The following MED27 variants were observed in gnomAD, a reference collection of about 807,000 sequenced individuals.
MED27 encodes the protein mediator complex subunit 27, also known as mediator of RNA polymerase II transcription subunit 27.
A neutral mutation model predicts 38.2 loss-of-function variants in MED27; 30 were observed. The observed-to-expected ratio is 0.79, with a 90% CI of 0.59 to 1.07. The LOEUF (loss-of-function observed/expected upper bound fraction) is 1.07, where lower values mean the gene tolerates loss of function less well. MED27 is among the 50% of genes least tolerant of loss of function. MED27 has a pLI of 0.00. For missense variants in MED27, 289 were observed against 397.5 expected (o/e 0.73, Z 2.32); for synonymous variants, 122 against 153.5 (o/e 0.79, Z 1.52).
intron 3 of MED27, among the ~76,000 whole-genome samples, chr9:131,970,220 A>G (rs1414291795): frequency 6.6e-6 from 1 of 152,232 alleles, no homozygotes; most frequent in Non-Finnish European, 1.5e-5. Flanking sequence ...CACTCAGAAA[A>G]GCAGCTCCTC....
chr9:131,902,000 C>T (rs927945111), intron 4 of MED27, among the ~76,000 whole-genome samples: 2 of 152,118 alleles, frequency 1.3e-5, no homozygotes, highest in Admixed American at 6.5e-5. Context: ...TGGCCCATGA[C>T]CCCACATCCA....
intron 4 of MED27, among the ~76,000 whole-genome samples, chr9:131,907,718 A>C (rs1192857293): frequency 1.5e-5 from 2 of 130,860 alleles, no homozygotes; most frequent in African/African-American, 5.9e-5. Context: ...CTGGCTGCCC[A>C]GTCTGGAAAG....
chr9:132,068,470 TAGACTAC>T (rs1833859768), intron 2 of MED27, among the ~76,000 whole-genome samples: 7 of 151,946 alleles, frequency 4.6e-5, no homozygotes, highest in African/African-American at 1.7e-4. Flanking sequence ...TTAGAAAGGG[TAGACTAC>T]AGGCCAGAAA....
At chr9:131,866,124 C>T (rs1053917690) in intron 6 of MED27, among the ~76,000 whole-genome samples, 33 of 152,230 alleles carry the variant, frequency 2.2e-4, no homozygotes, top group Non-Finnish European at 4.1e-4. Flanking sequence ...TCCCCAAACC[C>T]TCCCCAGCCT....
At chr9:131,977,315 T>C (rs1441468066) in intron 3 of MED27, among the ~76,000 whole-genome samples, 1 of 152,142 alleles carries the variant, frequency 6.6e-6, no homozygotes, top group Non-Finnish European at 1.5e-5. Context: ...TGGGAAGTAG[T>C]ACTGAACTGA....
At chr9:131,905,071 G>A (rs924658811) in intron 4 of MED27, among the ~76,000 whole-genome samples, 19 of 152,150 alleles carry the variant, frequency 1.2e-4, no homozygotes, top group African/African-American at 4.6e-4. Context: ...TGCAGTCTTG[G>A]GAAAAATCCC....
chr9:131,907,352 C>T (rs563372984), intron 4 of MED27, among the ~76,000 whole-genome samples: 8 of 152,240 alleles, frequency 5.3e-5, no homozygotes, highest in South Asian at 2.1e-4. Context: ...CGAGTGCCTG[C>T]GACTGCAGGC....
At chr9:132,005,511 G>A (rs771319909) in intron 3 of MED27, among the ~76,000 whole-genome samples, 1 of 152,112 alleles carries the variant, frequency 6.6e-6, no homozygotes, top group African/African-American at 2.4e-5. Context: ...GCTCCTGACC[G>A]TTCATGAGCC....
chr9:132,001,380 G>A lies in MED27; in HGVS notation c.479+12957C>T, dbSNP rs112077446. Among the ~76,000 whole-genome samples the A allele has an allele frequency of 3.8e-3, 580 of 152,020 alleles. 2 individuals carry two copies. The highest frequency in any genetic ancestry group is 0.024 in the Middle Eastern group (7 of 292). ...TATTTTTGTAGCCTCAAATAAACCT[G>A]AAAAAATACAGCTATAAAGGAAAAA... On this transcript the variant is annotated intron_variant, in intron 3 of 7. Transcript: ENST00000292035.
At chr9:131,948,562 G>A (rs942902631) in intron 3 of MED27, among the ~76,000 whole-genome samples, 9 of 150,600 alleles carry the variant, frequency 6.0e-5, no homozygotes, top group African/African-American at 2.2e-4. Flanking sequence ...AAACAAAACC[G>A]TACAACTAAA....
intron 4 of MED27, among the ~76,000 whole-genome samples, chr9:131,920,795 G>A (rs1238926327): frequency 6.6e-6 from 1 of 152,030 alleles, no homozygotes; most frequent in Non-Finnish European, 1.5e-5. Context: ...GGGAGAGGGG[G>A]TGGAGTCAGG....
chr9:131,894,453 C>T (rs528512350), intron 4 of MED27, among the ~76,000 whole-genome samples: 1 of 152,208 alleles, frequency 6.6e-6, no homozygotes, highest in African/African-American at 2.4e-5. Flanking sequence ...CCAAATGCCT[C>T]TTGGTTGAAC....
At chr9:132,034,178 A>G (rs1255800584) in intron 2 of MED27, among the ~76,000 whole-genome samples, 1 of 152,224 alleles carries the variant, frequency 6.6e-6, no homozygotes, top group African/African-American at 2.4e-5. Flanking sequence ...AATCAAGAGG[A>G]ATTTTTCCTC....
intron 2 of MED27, among the ~76,000 whole-genome samples, chr9:132,042,051 T>C (rs1259126232): frequency 1.3e-5 from 2 of 152,158 alleles, no homozygotes; most frequent in African/African-American, 4.8e-5. Context: ...GTACGTGATC[T>C]AGAGATATGT....
intron 2 of MED27, among the ~76,000 whole-genome samples, chr9:132,039,610 G>A (rs2131117275): frequency 6.6e-6 from 1 of 152,278 alleles, no homozygotes; most frequent in South Asian, 2.1e-4. Context: ...GCCATCAAAG[G>A]CCACACTGGA....
chr9:132,040,606 C>T (rs374574701), intron 2 of MED27, among the ~76,000 whole-genome samples: 18 of 152,208 alleles, frequency 1.2e-4, no homozygotes, highest in African/African-American at 4.1e-4. Flanking sequence ...GAGCAGACGG[C>T]AGAGCTTAAC....
chr9:131,917,651 A>C lies in MED27; in HGVS notation c.573+21730T>G, dbSNP rs1447280031. 1.3e-5 allele frequency among the ~76,000 whole-genome samples: 2 copies of C among 152,224 alleles called. No homozygotes were observed. The highest frequency in any genetic ancestry group is 2.9e-5 in the Non-Finnish European group (2 of 68,040). ...GGGTGACAATGGGGATGCCACCCGC[A>C]ATGTAATCAGTGCTAGAGATTACAG... is the stretch of plus-strand genomic sequence containing the variant. On this transcript the variant is annotated intron_variant, in intron 4 of 7. Transcript: ENST00000292035. The surrounding 1 kb of genome is among the most constrained non-coding windows in gnomAD (Gnocchi z 4.6).
At chr9:132,010,067 T>G (rs1293862399) in intron 3 of MED27, among the ~76,000 whole-genome samples, 1 of 152,226 alleles carries the variant, frequency 6.6e-6, no homozygotes, top group East Asian at 1.9e-4. Flanking sequence ...GCTCTTTAGT[T>G]TAATTAGATC....
rs572082223 is a variant in MED27 at position 132,054,056 on chromosome 9, G to A, written c.348+23386C>T. Among the ~76,000 whole-genome samples, 240 of 152,196 alleles carry A rather than the reference G, an allele frequency of 1.6e-3. 1 individual carries two copies. The highest frequency in any genetic ancestry group is 5.6e-3 in the African/African-American group (234 of 41,514). ...TCAAAACTAAAGATAATATGGGAGT[G>A]TGGCAACAACAACAAAAACTCAAGA... On this transcript the variant is annotated intron_variant, in intron 2 of 7. Coordinates refer to ENST00000292035, the MANE Select transcript of MED27 (RefSeq NM_004269.4).
Sources: gnomAD v4.1 joint callset for allele counts (sites outside exome capture counted in the v4.1 genomes callset) on GRCh38, gnomAD v4.1.1 for gene constraint, Gnocchi (gnomAD v3.1) non-coding constraint, MANE v1.5 for transcripts, NCBI Gene and HGNC (gene_info 2026-07-23, HGNC 2026-07-21) for gene names.